The following ITGA1 variants were observed in gnomAD, a reference collection of about 807,000 sequenced individuals.
The protein encoded by ITGA1 is integrin alpha-1.
In ITGA1, 85 loss-of-function variants were observed where a neutral mutation model predicts 145.9. The observed-to-expected ratio is 0.58, with a 90% CI of 0.49 to 0.70. The LOEUF (loss-of-function observed/expected upper bound fraction) is 0.70, where lower values mean the gene tolerates loss of function less well. Ranked by LOEUF, ITGA1 falls within the 30% of genes least tolerant of loss-of-function variation. ITGA1 has a pLI of 0.00. For missense variants in ITGA1, 1,351 were observed against 1,418.7 expected (o/e 0.95, Z 0.77); for synonymous variants, 520 against 495.3 (o/e 1.05, Z -0.66).
At chr5:52,918,682 A>G (rs772837135) in intron 15 of ITGA1, 50 bp from the exon 16 acceptor site, 1 of 1,566,760 alleles carries the variant, frequency 6.4e-7, no homozygotes, top group South Asian at 1.2e-5. Flanking sequence ...AGTTGATGAC[A>G]TTCATTAAAT....
intron 8 of ITGA1, among the ~76,000 whole-genome samples, chr5:52,890,534 G>T (rs1176958905): frequency 6.6e-6 from 1 of 152,120 alleles, no homozygotes; most frequent in Non-Finnish European, 1.5e-5. Flanking sequence ...AAGATATAGA[G>T]CAATTTCATC....
intron 6 of ITGA1, among the ~76,000 whole-genome samples, chr5:52,868,693 T>C (rs1253044341): frequency 6.6e-6 from 1 of 152,172 alleles, no homozygotes; most frequent in East Asian, 1.9e-4. Flanking sequence ...AAGAGTTCAG[T>C]TACATTTACC....
intron 15 of ITGA1, 70 bp from the exon 16 acceptor site, chr5:52,918,662 T>G: frequency 6.7e-7 from 1 of 1,496,666 alleles, no homozygotes; most frequent in Non-Finnish European, 9.0e-7. Flanking sequence ...GCACTCACTT[T>G]GCACTCCCAA....
At chr5:52,951,712 T>A (rs1051262682) in intron 28 of ITGA1, among the ~76,000 whole-genome samples, 1 of 152,082 alleles carries the variant, frequency 6.6e-6, no homozygotes, top group African/African-American at 2.4e-5. Context: ...CAACTTATGG[T>A]CATCGATCAT....
intron 15 of ITGA1, 97 bp downstream of exon 15, chr5:52,915,691 T>C: frequency 7.0e-7 from 1 of 1,429,186 alleles, no homozygotes; most frequent in Non-Finnish European, 9.6e-7. Flanking sequence ...ATCTATTTCC[T>C]TTTGTGTTCC....
intron 11 of ITGA1, chr5:52,903,188 T>G (rs527238246): frequency 6.6e-6 from 1 of 151,960 alleles, no homozygotes; most frequent in East Asian, 1.9e-4. Flanking sequence ...TTTATCAAGT[T>G]ACATTCACAG....
At chr5:52,829,493 C>T (rs1406529698) in intron 1 of ITGA1, among the ~76,000 whole-genome samples, 2 of 152,062 alleles carry the variant, frequency 1.3e-5, no homozygotes, top group African/African-American at 4.8e-5. Context: ...TCACGGGATG[C>T]TCACCACCAT....
intron 1 of ITGA1, among the ~76,000 whole-genome samples, chr5:52,818,194 A>G (rs1458464688): frequency 2.0e-5 from 3 of 152,206 alleles, no homozygotes; most frequent in Non-Finnish European, 4.4e-5. Context: ...ACACAACTGT[A>G]GTACATACAT....
In ITGA1 at chr5:52,881,890, T is replaced by C. The variant is rs1287207149; in HGVS notation, c.642T>C (p.Tyr214=). ...PKQTQVGIVQ[Y]GENVTHEFNL... is the part of the protein sequence containing the mutation. ...TATTTCAGGTTGGAATTGTACAGTA[T>C]GGAGAAAACGTGACCCATGAGTTCA... Residue 214 remains tyrosine (Y), a synonymous_variant, in exon 7 of 29, where the codon TAT becomes TAC. Transcript: ENST00000282588. 1 of 1,613,318 alleles carries C rather than the reference T, an allele frequency of 6.2e-7. No homozygotes were observed. The highest frequency in any genetic ancestry group is 1.7e-5 in the Admixed American group (1 of 59,794).
chr5:52,897,628 C>A, intron 10 of ITGA1, 100 bp downstream of exon 10: 2 of 763,918 alleles, frequency 2.6e-6, no homozygotes, highest in South Asian at 3.1e-5. Context: ...ACGTGCAGTT[C>A]ATAGCTTGAA....
chr5:52,823,733 G>A (rs968416734), intron 1 of ITGA1, among the ~76,000 whole-genome samples: 1 of 152,178 alleles, frequency 6.6e-6, no homozygotes, highest in Non-Finnish European at 1.5e-5. Context: ...AAGCAGTGCA[G>A]AGAGTGCTAA....
At chr5:52,885,105 G>A (rs945930585) in intron 7 of ITGA1, among the ~76,000 whole-genome samples, 2 of 152,184 alleles carry the variant, frequency 1.3e-5, no homozygotes, top group Admixed American at 6.5e-5. Flanking sequence ...GAGATATGTA[G>A]TGCAAGCTAT....
intron 6 of ITGA1, among the ~76,000 whole-genome samples, chr5:52,871,768 C>T (rs531387749): frequency 6.6e-6 from 1 of 152,090 alleles, no homozygotes; most frequent in East Asian, 1.9e-4. Flanking sequence ...TTCTGTGTGG[C>T]CCAATTAAGA....
chr5:52,922,440 T>C (rs536190444), intron 17 of ITGA1, among the ~76,000 whole-genome samples: 359 of 152,294 alleles, frequency 2.4e-3, no homozygotes, highest in Admixed American at 3.7e-3. Flanking sequence ...ATAATGATCT[T>C]TGGCTTGAGG....
At chr5:52,871,691 A>G (rs1749778747) in intron 6 of ITGA1, among the ~76,000 whole-genome samples, 2 of 151,898 alleles carry the variant, frequency 1.3e-5, no homozygotes, top group East Asian at 1.9e-4. Flanking sequence ...TTTAGTATAC[A>G]TTAGGGAAAT....
intron 28 of ITGA1, among the ~76,000 whole-genome samples, chr5:52,950,882 A>T (rs1400538463): frequency 6.6e-6 from 1 of 152,228 alleles, no homozygotes; most frequent in Non-Finnish European, 1.5e-5. Flanking sequence ...GACTCAGGAC[A>T]TGCAGGCACA....
intron 28 of ITGA1, 21 bp downstream of exon 28, chr5:52,947,482 G>C (rs1751153159): frequency 7.2e-7 from 1 of 1,387,990 alleles, no homozygotes; most frequent in Non-Finnish European, 1.0e-6. Context: ...AAATTCCTTT[G>C]ACTCTCTACT....
At chr5:52,920,549 C>T in intron 17 of ITGA1, 81 bp downstream of exon 17, 2 of 1,145,394 alleles carry the variant, frequency 1.7e-6, no homozygotes, top group East Asian at 2.8e-5. Context: ...CAATCAAATT[C>T]TTACTGTTTT....
intron 2 of ITGA1, among the ~76,000 whole-genome samples, chr5:52,850,705 A>G (rs1749418006): frequency 6.6e-6 from 1 of 152,202 alleles, no homozygotes; most frequent in Non-Finnish European, 1.5e-5. Context: ...TATAAACTAG[A>G]ATTTGTTGAG....
Sources: allele counts gnomAD v4.1 joint callset (sites outside exome capture counted in the v4.1 genomes callset), GRCh38; gene constraint gnomAD v4.1.1; transcripts MANE v1.5; gene names NCBI Gene and HGNC (gene_info 2026-07-23, HGNC 2026-07-21).